The following CEP63 variants were observed in gnomAD, a reference collection of about 807,000 sequenced individuals.
CEP63 encodes the protein centrosomal protein of 63 kDa.
Under a neutral mutation model 89.1 loss-of-function variants are expected in CEP63, and 84 were observed. The ratio of observed to expected loss-of-function variants is 0.94; its 90% CI spans 0.79 to 1.13. CEP63 has a LOEUF of 1.13. CEP63 is among the 50% of genes most tolerant of loss of function. CEP63 has a pLI of 0.00. For synonymous variants in CEP63, 267 were observed against 272.5 expected, an observed-to-expected ratio of 0.98 and a Z score of 0.20; for missense variants, 838 against 813.3, an observed-to-expected ratio of 1.03 and a Z score of -0.37.
At chr3:134,569,114 C>T (rs995903832), downstream of CEP63, among the ~76,000 whole-genome samples, 5 of 152,320 alleles carry the variant, frequency 3.3e-5, no homozygotes, top group African/African-American at 1.2e-4. Context: ...CACCTTCCAC[C>T]AGATTCCTCC....
chr3:134,695,133 T>A, the CEP63 span, among the ~76,000 whole-genome samples: 2 of 151,760 alleles, frequency 1.3e-5, no homozygotes, highest in Non-Finnish European at 2.9e-5. Flanking sequence ...CTGTGCGGGG[T>A]AGGAGGTGGG....
intron 11 of CEP63, among the ~76,000 whole-genome samples, chr3:134,550,973 G>A (rs1954697272): frequency 6.6e-6 from 1 of 152,142 alleles, no homozygotes; most frequent in African/African-American, 2.4e-5. Context: ...AGGTGAGGTA[G>A]GCAGAGTTAA....
At chr3:134,650,439 G>A in the CEP63 span, among the ~76,000 whole-genome samples, 1 of 152,210 alleles carries the variant, frequency 6.6e-6, no homozygotes, top group Non-Finnish European at 1.5e-5. Flanking sequence ...GTGCCCTGCA[G>A]TGTGCTGTGG....
At chr3:134,581,974 C>T (rs1039679905) in intron 10 of CEP63, among the ~76,000 whole-genome samples, 1 of 151,616 alleles carries the variant, frequency 6.6e-6, no homozygotes, top group East Asian at 2.0e-4. Context: ...CGCGCCCGGC[C>T]GAAAACATTT....
chr3:134,621,533 G>T, the CEP63 span, among the ~76,000 whole-genome samples: 1 of 152,150 alleles, frequency 6.6e-6, no homozygotes, highest in East Asian at 1.9e-4. Flanking sequence ...AATAAACTTG[G>T]ATCTCTACCT....
intron 3 of CEP63, 30 bp downstream of exon 3, chr3:134,507,316 A>T (rs763547630): frequency 1.3e-6 from 2 of 1,540,458 alleles, no homozygotes; most frequent in African/African-American, 1.4e-5. Context: ...CTTCTTTTTG[A>T]CATTTTTATC....
chr3:134,590,661 T>G (rs187601065), downstream of CEP63, among the ~76,000 whole-genome samples: 3 of 152,328 alleles, frequency 2.0e-5, no homozygotes, highest in East Asian at 5.8e-4. Flanking sequence ...ATTATGGCCA[T>G]GTAAATGTCA....
the CEP63 span, among the ~76,000 whole-genome samples, chr3:134,602,558 G>C: frequency 6.6e-6 from 1 of 152,202 alleles, no homozygotes; most frequent in South Asian, 2.1e-4. Context: ...CCCTGTTAAA[G>C]TGTGAGTCTC....
intron 2 of CEP63, among the ~76,000 whole-genome samples, chr3:134,499,715 T>C (rs9814567): frequency 0.68 from 103,601 of 151,906 alleles, 35,608 homozygotes; most frequent in East Asian, 0.82. Flanking sequence ...TATCCTATCA[T>C]CCAAAGAATG....
the CEP63 span, among the ~76,000 whole-genome samples, chr3:134,689,996 G>T: frequency 6.6e-6 from 1 of 152,160 alleles, no homozygotes; most frequent in African/African-American, 2.4e-5. Flanking sequence ...ATTGCTATTA[G>T]TTATTTACAA....
the CEP63 span, among the ~76,000 whole-genome samples, chr3:134,723,748 T>C: frequency 4.6e-5 from 7 of 152,130 alleles, no homozygotes; most frequent in Non-Finnish European, 8.8e-5. Context: ...AGCTCTCACC[T>C]CTCTCTATCT....
At chr3:134,619,467 AG>A in the CEP63 span, among the ~76,000 whole-genome samples, 8 of 152,328 alleles carry the variant, frequency 5.3e-5, no homozygotes, top group African/African-American at 1.4e-4. Context: ...GCCTTGGCAG[AG>A]GGGGCCACCT....
the CEP63 span, among the ~76,000 whole-genome samples, chr3:134,762,223 A>G: frequency 6.6e-6 from 1 of 152,274 alleles, no homozygotes; most frequent in South Asian, 2.1e-4. Flanking sequence ...AGCCTGAGAG[A>G]GGAAAAGTGC....
the CEP63 span, among the ~76,000 whole-genome samples, chr3:134,738,740 A>G: frequency 3.9e-5 from 6 of 152,268 alleles, no homozygotes; most frequent in South Asian, 1.2e-3. Flanking sequence ...GTAACCAAAC[A>G]CCACCTGTAC....
At chr3:134,705,354 C>T in the CEP63 span, among the ~76,000 whole-genome samples, 1 of 152,068 alleles carries the variant, frequency 6.6e-6, no homozygotes, top group Non-Finnish European at 1.5e-5. Context: ...ACGGGAGACT[C>T]CTGTAGGAAC....
intron 10 of CEP63, among the ~76,000 whole-genome samples, chr3:134,583,748 T>C (rs1958418031): frequency 1.3e-5 from 2 of 152,344 alleles, no homozygotes; most frequent in South Asian, 4.1e-4. Context: ...GGGATGGCAT[T>C]GAATCTATAA....
At chr3:134,656,299 A>G in the CEP63 span, among the ~76,000 whole-genome samples, 1 of 152,124 alleles carries the variant, frequency 6.6e-6, no homozygotes, top group African/African-American at 2.4e-5. Flanking sequence ...AGCTGGAAGG[A>G]GTGATGGAGG....
the CEP63 span, chr3:134,607,674 C>T: frequency 1.0e-6 from 1 of 985,750 alleles, no homozygotes; most frequent in South Asian, 4.7e-5. Context: ...CAGTTCTGGC[C>T]CTCCAGGGCA....
At chr3:134,522,198 T>C (rs1947608313) in intron 3 of CEP63, among the ~76,000 whole-genome samples, 1 of 152,190 alleles carries the variant, frequency 6.6e-6, no homozygotes. Context: ...ATATGTAATT[T>C]GGGATTTATC....
Sources: allele counts gnomAD v4.1 joint callset (sites outside exome capture counted in the v4.1 genomes callset), GRCh38; gene constraint gnomAD v4.1.1; transcripts MANE v1.5; gene names NCBI Gene and HGNC (gene_info 2026-07-23, HGNC 2026-07-21).